ABCD4: variants seen among roughly 807,000 people sequenced by gnomAD.
ABCD4 encodes ATP binding cassette subfamily D member 4.
ABCD4 carries 53 observed loss-of-function variants against 86.3 expected under a neutral mutation model. The observed-to-expected ratio is 0.61, with a 90% confidence interval of 0.49 to 0.77. ABCD4 has a LOEUF of 0.77. ABCD4 is among the 30% of genes least tolerant of loss of function. ABCD4 has a pLI of 0.00. For missense variants in ABCD4, 757 were observed against 764.5 expected (o/e 0.99, Z 0.12); for synonymous variants, 328 against 313.6 (o/e 1.05, Z -0.49).
At chr14:74,293,953 T>C (rs2082195039) in intron 7 of ABCD4, 1 of 152,206 alleles carries the variant, frequency 6.6e-6, no homozygotes, top group Non-Finnish European at 1.5e-5. Flanking sequence ...GATTTCAGAT[T>C]TTGCACAGAG....
At position 74,298,223 on chromosome 14, in the gene ABCD4, G is replaced by A. The variant is rs74063842; in HGVS notation, c.286-154C>T. ...CAGCACTTTTCTTTTTTAAATCATCGAGTCATGGGACTTTCCCTTCCTCAC... is the reference window on the plus strand; with the variant it reads ...CAGCACTTTTCTTTTTTAAATCATCAAGTCATGGGACTTTCCCTTCCTCAC... On this transcript the variant is annotated intron_variant, in intron 3 of 18. Transcript: ENST00000356924. Among the ~76,000 whole-genome samples the A allele has an allele frequency of 0.067, 10,213 of 152,146 alleles. 1,108 individuals are homozygous for A. Among genetic ancestry groups the A allele is most frequent in the African/African-American group, 0.23 (9,357 of 41,492 alleles).
intron 7 of ABCD4, chr14:74,293,536 T>A: frequency 6.4e-6 from 2 of 312,910 alleles, no homozygotes; most frequent in Non-Finnish European, 5.9e-6. Context: ...CAAGCCTCAG[T>A]TTTTTTAATC....
intron 14 of ABCD4, 200 bp downstream of exon 14, chr14:74,289,283 C>T: frequency 1.4e-6 from 2 of 1,390,846 alleles, no homozygotes; most frequent in Non-Finnish European, 9.3e-7. Context: ...GTGGGCATCT[C>T]TCCTTAAGGA....
chr14:74,292,107 C>T (rs2081651170), intron 11 of ABCD4, among the ~76,000 whole-genome samples, 180 bp downstream of exon 11: 1 of 152,158 alleles, frequency 6.6e-6, no homozygotes, highest in Non-Finnish European at 1.5e-5. Flanking sequence ...TGTAAATTAA[C>T]ACAACAGATG....
At chr14:74,296,658 T>G in intron 4 of ABCD4, 1 of 551,040 alleles carries the variant, frequency 1.8e-6, no homozygotes, top group Non-Finnish European at 3.2e-6. Flanking sequence ...AGTTGCATCT[T>G]ACGGTGCCTT....
Position 74,290,022 on chromosome 14 carries a change from C to T in ABCD4, c.1419+5G>A, listed in dbSNP as rs759343244. ...GGAGGAGTGAGCCCCCTGAACTAGA[C>T]TGACCTGCTCCCGAAGGGTCCCGTC... On this transcript the variant is annotated splice_donor_5th_base_variant and intron_variant, in intron 13 of 18. Transcript: ENST00000356924. 3 of 1,614,132 alleles carry T rather than the reference C, an allele frequency of 1.9e-6. No individual in the cohort carries two copies. The highest frequency in any genetic ancestry group is 1.7e-6 in the Non-Finnish European group (2 of 1,180,008).
chr14:74,286,550 A>G lies in ABCD4; in HGVS notation c.1753-21T>C, dbSNP rs750331118. The G allele has an allele frequency of 7.4e-6, 12 of 1,614,078 alleles. No individual in the cohort carries two copies. The East Asian group carries it at 2.0e-4, about 27-fold the overall frequency. On this transcript the variant is annotated intron_variant, in intron 18 of 18. Coordinates refer to ENST00000356924, the MANE Select transcript of ABCD4 (RefSeq NM_005050.4). ...TGAAACTACAAGAGACCACCACCAC[A>G]TGGAGATCAGGCTGCCCTGGCCGCT...
At position 74,298,027 on chromosome 14, in the gene ABCD4, T is replaced by C; in HGVS notation, c.328A>G (p.Ser110Gly). 6.2e-7 allele frequency: 1 copy of C among 1,613,874 alleles called. No homozygotes were observed. The highest frequency in any genetic ancestry group is 1.1e-5 in the South Asian group (1 of 91,024). ...DQFTCNLLYV[S>G]WRKDLTEHLH... ...TGCTCAGTGAGGTCCTTCCTCCAGC[T>C]CACATACAGCAGGTTGCAGGTGAAC... Residue 110 changes from serine to glycine, a missense_variant, in exon 4 of 19, where the codon AGC becomes GGC. By Grantham distance (56) the Ser-to-Gly change is moderately conservative. Transcript: ENST00000356924.
Position 74,299,607 on chromosome 14 carries a change from A to C in ABCD4, c.226T>G (p.Leu76Val), listed in dbSNP as rs759897343. The C allele has an allele frequency of 6.2e-7, 1 of 1,613,924 alleles. No individual in the cohort carries two copies. The highest frequency in any genetic ancestry group is 1.3e-5 in the African/African-American group (1 of 74,904). The change falls in exon 3 of 19, where the codon TTG becomes GTG. Residue 76 changes from leucine to valine, a missense_variant. Leu to Val is a conservative substitution (Grantham distance 32). Coordinates refer to ENST00000356924, the MANE Select transcript of ABCD4 (RefSeq NM_005050.4). ...AATGTCAGAGTCTTAAACCCTTCCA[A>C]GTCTTTGTTTCCCAGGACCCCATAG... ...QYYGVLGNKD[L>V]EGFKTLTFLA...
chr14:74,286,418 G>A lies in ABCD4; in HGVS notation c.*43C>T, dbSNP rs777411039. 7.5e-6 allele frequency: 12 copies of A among 1,608,102 alleles called. No homozygotes were observed. Among genetic ancestry groups the A allele is most frequent in the African/African-American group, 4.0e-5 (3 of 74,828 alleles). ...GTCCTCCTGGTCTCTCCTGAGGGCC[G>A]CCGACCCGCCACAGTGTGGCTCTCC... On this transcript the variant is annotated 3_prime_UTR_variant, in exon 19 of 19. Coordinates refer to ENST00000356924, the MANE Select transcript of ABCD4 (RefSeq NM_005050.4).
intron 11 of ABCD4, 21 bp from the exon 12 acceptor site, chr14:74,290,520 G>C (rs1412392956): frequency 1.2e-6 from 2 of 1,603,924 alleles, no homozygotes; most frequent in Non-Finnish European, 1.7e-6. Context: ...GAAGAGAGGG[G>C]GCGTGAGGAA....
chr14:74,294,869 A>G, intron 7 of ABCD4: 1 of 485,186 alleles, frequency 2.1e-6, no homozygotes, highest in Non-Finnish European at 3.7e-6. Flanking sequence ...GTCACCAGCA[A>G]GAGGATGAGG....
chr14:74,288,639 G>T, intron 15 of ABCD4, 77 bp downstream of exon 15: 1 of 1,509,186 alleles, frequency 6.6e-7, no homozygotes. Context: ...CCCAAGCATA[G>T]CAGGGCCAGC....
At chr14:74,288,114 G>T in intron 16 of ABCD4, 93 bp downstream of exon 16, 1 of 1,398,398 alleles carries the variant, frequency 7.2e-7, no homozygotes, top group South Asian at 1.3e-5. Flanking sequence ...CTGGACTTTG[G>T]GGTCAGGAGC....
chr14:74,297,900 G>A (rs2083281677), intron 4 of ABCD4, 30 bp downstream of exon 4: 1 of 1,603,294 alleles, frequency 6.2e-7, no homozygotes, highest in African/African-American at 1.3e-5. Context: ...ACCACACAGA[G>A]TGTAGAAAGG....
intron 1 of ABCD4, among the ~76,000 whole-genome samples, chr14:74,301,736 C>T (rs2084603968): frequency 6.6e-6 from 1 of 151,752 alleles, no homozygotes; most frequent in South Asian, 2.1e-4. Flanking sequence ...CCCATCTTTG[C>T]TAAAAATACA....
intron 14 of ABCD4, 68 bp from the exon 15 acceptor site, chr14:74,288,833 G>T: frequency 3.2e-6 from 5 of 1,574,462 alleles, no homozygotes; most frequent in Admixed American, 1.8e-5. Context: ...ACAGGGCAAG[G>T]CTGTGCACAG....
intron 15 of ABCD4, 29 bp downstream of exon 15, chr14:74,288,687 G>A (rs757999682): frequency 6.2e-6 from 10 of 1,611,142 alleles, no homozygotes; most frequent in South Asian, 3.3e-5. Flanking sequence ...AGGTGGGCTC[G>A]GGTCCTGAGG....
chr14:74,288,422 G>A, intron 15 of ABCD4, 163 bp from the exon 16 acceptor site: 1 of 707,406 alleles, frequency 1.4e-6, no homozygotes. Context: ...TCTGCCCCAG[G>A]CAGAGAGGAA....
Sources: allele counts gnomAD v4.1 joint callset (sites outside exome capture counted in the v4.1 genomes callset), GRCh38; gene constraint gnomAD v4.1.1; transcripts MANE v1.5; gene names NCBI Gene and HGNC (gene_info 2026-07-23, HGNC 2026-07-21).